NCK2: variants seen among roughly 807,000 people sequenced by gnomAD.
NCK2 encodes cytoplasmic protein NCK2.
NCK2 carries 16 observed loss-of-function variants against 33.9 expected under a neutral mutation model. The observed-to-expected ratio is 0.47, with a 90% CI of 0.32 to 0.72. The LOEUF (loss-of-function observed/expected upper bound fraction) is 0.72. Ranked by LOEUF, NCK2 falls within the 30% of genes least tolerant of loss-of-function variation. The pLI is 0.03. For synonymous variants in NCK2, 273 were observed against 239.9 expected, an observed-to-expected ratio of 1.14 and a Z score of -1.27; for missense variants, 418 against 537.3, an observed-to-expected ratio of 0.78 and a Z score of 2.19.
intron 3 of NCK2, among the ~76,000 whole-genome samples, chr2:105,876,266 C>A (rs1322604790): frequency 6.6e-6 from 1 of 152,196 alleles, no homozygotes; most frequent in Non-Finnish European, 1.5e-5. Flanking sequence ...CACATCATTT[C>A]ATCTCTTGTC....
intron 1 of NCK2, among the ~76,000 whole-genome samples, chr2:105,767,470 G>A (rs1485990973): frequency 1.3e-5 from 2 of 152,202 alleles, no homozygotes; most frequent in African/African-American, 2.4e-5. Flanking sequence ...GTTACTCTTT[G>A]TGGTTACAGT....
intron 1 of NCK2, among the ~76,000 whole-genome samples, chr2:105,770,124 TAA>T (rs76726445): frequency 0.23 from 29,498 of 126,554 alleles, 4,394 homozygotes; most frequent in African/African-American, 0.45. Context: ...CACTAATAAG[TAA>T]AAAAAAAAAA....
rs1416602045 is a variant in NCK2 at position 105,893,317 on chromosome 2, TC to T, written c.*142del. 61 of 860,570 alleles carry T rather than the reference TC, an allele frequency of 7.1e-5. No individual in the cohort carries two copies. Among genetic ancestry groups the T allele is most frequent in the Non-Finnish European group, 9.5e-5 (55 of 577,640 alleles). 53.3% of individuals were successfully genotyped at this position (860,570 alleles called of 1,614,324 possible). The stretch of plus-strand genomic sequence containing the variant: ...TTTATGTTCAGGTCGCTTGGTCGGT[TC>T]GTCTCCCATTTGCCATCCAGGCCTC... On this transcript the variant is annotated 3_prime_UTR_variant, in exon 5 of 5. Transcript: ENST00000233154.
intron 3 of NCK2, among the ~76,000 whole-genome samples, chr2:105,880,154 C>G (rs1573241918): frequency 6.6e-6 from 1 of 152,354 alleles, no homozygotes; most frequent in Non-Finnish European, 1.5e-5. Context: ...GTTTCTCAAT[C>G]TGATTCGATA....
intron 1 of NCK2, among the ~76,000 whole-genome samples, chr2:105,786,001 G>T (rs556213271): frequency 6.6e-6 from 1 of 152,294 alleles, no homozygotes; most frequent in African/African-American, 2.4e-5. Context: ...AAACGTGTGT[G>T]TGTCCACTCT....
At chr2:105,784,565 T>G (rs1412375789) in intron 1 of NCK2, among the ~76,000 whole-genome samples, 1 of 152,240 alleles carries the variant, frequency 6.6e-6, no homozygotes, top group Non-Finnish European at 1.5e-5. Context: ...ATTCAGGTCT[T>G]TACAATGTAG....
At chr2:105,809,404 CAGGG>C (rs920568795) in intron 1 of NCK2, among the ~76,000 whole-genome samples, 2 of 152,170 alleles carry the variant, frequency 1.3e-5, no homozygotes, top group Admixed American at 1.3e-4. Context: ...AAGGGCTCAG[CAGGG>C]TTGGTTTCTT....
chr2:105,839,922 G>C (rs936403889), intron 2 of NCK2, among the ~76,000 whole-genome samples: 2 of 152,198 alleles, frequency 1.3e-5, no homozygotes, highest in African/African-American at 2.4e-5. Flanking sequence ...TCTCCGCGCA[G>C]CTGGTGGACG....
At chr2:105,805,391 T>C (rs2104455064) in intron 1 of NCK2, among the ~76,000 whole-genome samples, 1 of 152,350 alleles carries the variant, frequency 6.6e-6, no homozygotes, top group African/African-American at 2.4e-5. Flanking sequence ...GAACTAAGTA[T>C]TCTTAAAGCT....
chr2:105,782,779 C>G (rs1468510567), intron 1 of NCK2, among the ~76,000 whole-genome samples: 1 of 152,188 alleles, frequency 6.6e-6, no homozygotes, highest in Non-Finnish European at 1.5e-5. Context: ...GTTGCAAAGG[C>G]TGTTAGGCTT....
chr2:105,754,792 T>C (rs936974398), intron 1 of NCK2, among the ~76,000 whole-genome samples: 21 of 152,190 alleles, frequency 1.4e-4, no homozygotes, highest in Admixed American at 9.8e-4. Context: ...AACAAGGGAT[T>C]CAGGGAGTTA....
intron 3 of NCK2, among the ~76,000 whole-genome samples, chr2:105,859,385 C>G (rs116825351): frequency 0.014 from 2,119 of 152,226 alleles, 43 homozygotes; most frequent in African/African-American, 0.048. Context: ...GCTCACCCTG[C>G]CACCCTACCT....
intron 1 of NCK2, among the ~76,000 whole-genome samples, chr2:105,804,918 A>G (rs776439132): frequency 3.9e-5 from 6 of 152,222 alleles, no homozygotes; most frequent in Non-Finnish European, 7.3e-5. Context: ...ACATGGCACT[A>G]ACTGCTGCAG....
At chr2:105,772,181 C>T (rs963035470) in intron 1 of NCK2, among the ~76,000 whole-genome samples, 1 of 152,072 alleles carries the variant, frequency 6.6e-6, no homozygotes, top group African/African-American at 2.4e-5. Context: ...AACAGCCTCT[C>T]GGAGCCTCCT....
chr2:105,837,864 T>C (rs1676491417), intron 2 of NCK2, among the ~76,000 whole-genome samples: 1 of 152,264 alleles, frequency 6.6e-6, no homozygotes, highest in African/African-American at 2.4e-5. Flanking sequence ...TCACCATTTG[T>C]GCTACCTGTC....
intron 3 of NCK2, among the ~76,000 whole-genome samples, chr2:105,873,331 C>T (rs904964918): frequency 6.6e-6 from 1 of 152,150 alleles, no homozygotes; most frequent in African/African-American, 2.4e-5. Context: ...ACTCTGAGAG[C>T]CCCCAGAAAA....
At chr2:105,800,374 G>T (rs554672290) in intron 1 of NCK2, among the ~76,000 whole-genome samples, 2 of 152,336 alleles carry the variant, frequency 1.3e-5, no homozygotes, top group South Asian at 4.1e-4. Context: ...GCCTAGTCTG[G>T]TCTGTGGTAC....
intron 1 of NCK2, among the ~76,000 whole-genome samples, chr2:105,809,104 AG>A (rs1280639518): frequency 1.3e-5 from 2 of 152,242 alleles, no homozygotes; most frequent in Non-Finnish European, 2.9e-5. Context: ...AAGAATGAAT[AG>A]GTGTTGAAAA....
intron 2 of NCK2, among the ~76,000 whole-genome samples, chr2:105,830,061 C>A (rs1176527692): frequency 6.6e-6 from 1 of 152,030 alleles, no homozygotes; most frequent in East Asian, 1.9e-4. Context: ...GGGTAATTAG[C>A]ATATTCATTC....
Sources: allele counts gnomAD v4.1 joint callset (sites outside exome capture counted in the v4.1 genomes callset), GRCh38; gene constraint gnomAD v4.1.1; transcripts MANE v1.5; gene names NCBI Gene and HGNC (gene_info 2026-07-23, HGNC 2026-07-21).